Variants in MTX2 observed in about 807,000 individuals in gnomAD.
MTX2 encodes the protein metaxin 2.
MTX2 carries 35 observed loss-of-function variants against 42.3 expected under a neutral mutation model. The ratio of observed to expected loss-of-function variants is 0.83; its 90% confidence interval spans 0.63 to 1.10. The LOEUF is 1.10. Among genes scored for constraint, MTX2 ranks in the 50% least tolerant of loss-of-function variants. MTX2 has a pLI of 0.00. For synonymous variants in MTX2, 119 were observed against 100.9 expected (o/e 1.18, Z -1.08); for missense variants, 307 against 304.1 (o/e 1.01, Z -0.07).
intron 9 of MTX2, 146 bp downstream of exon 9, chr2:176,330,806 C>A: frequency 1.7e-6 from 1 of 595,910 alleles, no homozygotes; most frequent in Admixed American, 2.8e-5. Context: ...ACTTTACTCT[C>A]AGGCACAGTG....
intron 1 of MTX2, among the ~76,000 whole-genome samples, chr2:176,288,526 A>G (rs1187778058): frequency 6.6e-6 from 1 of 151,540 alleles, no homozygotes; most frequent in Non-Finnish European, 1.5e-5. Context: ...TAGGCTACCC[A>G]TGTTTCTTGC....
At position 176,269,567 on chromosome 2, in the gene MTX2, T is replaced by G; in HGVS notation, c.-63T>G. The G allele has an allele frequency of 6.6e-7, 1 of 1,520,048 alleles. No homozygotes were observed. The highest frequency in any genetic ancestry group is 8.8e-7 in the Non-Finnish European group (1 of 1,133,750). 94.2% of individuals were successfully genotyped at this position (1,520,048 alleles called of 1,614,324 possible). ...GTTAACTGCCGAGAGCCTCCGGGTT[T>G]GCGGTGGAGGACGCTGAGGCCCGTG... is the stretch of plus-strand genomic sequence containing the variant. On this transcript the variant is annotated 5_prime_UTR_variant, in exon 1 of 10. Transcript: ENST00000249442.
chr2:176,328,495 A>C, intron 6 of MTX2, 110 bp downstream of exon 6: 1 of 693,690 alleles, frequency 1.4e-6, no homozygotes, highest in Non-Finnish European at 2.2e-6. Flanking sequence ...TAGTCAAGTA[A>C]TTCTAGAGTT....
intron 1 of MTX2, among the ~76,000 whole-genome samples, chr2:176,293,444 C>A (rs975052665): frequency 6.6e-6 from 1 of 152,106 alleles, no homozygotes; most frequent in Non-Finnish European, 1.5e-5. Flanking sequence ...ATGTAATCCC[C>A]GTTGTTGGAG....
intron 1 of MTX2, among the ~76,000 whole-genome samples, chr2:176,285,904 A>C (rs1271216727): frequency 6.6e-6 from 1 of 152,112 alleles, no homozygotes; most frequent in South Asian, 2.1e-4. Flanking sequence ...AATACATAGG[A>C]GTGTAATTGA....
At chr2:176,270,407 C>A (rs375394807) in intron 1 of MTX2, 47 of 1,363,202 alleles carry the variant, frequency 3.4e-5, no homozygotes, top group Non-Finnish European at 4.5e-5. Flanking sequence ...CTGAACATGA[C>A]TGATGTATAT....
intron 1 of MTX2, among the ~76,000 whole-genome samples, chr2:176,273,675 T>C (rs917232236): frequency 5.9e-5 from 9 of 152,206 alleles, no homozygotes; most frequent in Non-Finnish European, 1.3e-4. Flanking sequence ...TGCTTCTATC[T>C]CCTTACTACC....
chr2:176,269,714 G>A (rs553743691), intron 1 of MTX2, 45 bp downstream of exon 1: 2 of 1,566,174 alleles, frequency 1.3e-6, no homozygotes, highest in South Asian at 1.2e-5. Context: ...GCGCGGTCTC[G>A]GGGAGCCGCG....
intron 1 of MTX2, among the ~76,000 whole-genome samples, chr2:176,282,368 A>G (rs1184013278): frequency 2.0e-5 from 3 of 152,094 alleles, no homozygotes; most frequent in African/African-American, 2.4e-5. Flanking sequence ...ATCTGCACAG[A>G]GGCATCTAGT....
intron 1 of MTX2, among the ~76,000 whole-genome samples, chr2:176,270,738 A>AT (rs1458703637): frequency 6.6e-6 from 1 of 152,010 alleles, no homozygotes; most frequent in African/African-American, 2.4e-5. Flanking sequence ...TAAAAACATT[A>AT]TTTTTTAGAG....
At chr2:176,296,535 T>C (rs1318399360) in intron 1 of MTX2, among the ~76,000 whole-genome samples, 1 of 152,168 alleles carries the variant, frequency 6.6e-6, no homozygotes, top group Non-Finnish European at 1.5e-5. Flanking sequence ...GATATGTCTG[T>C]GTTTGAAAGA....
intron 1 of MTX2, among the ~76,000 whole-genome samples, chr2:176,293,418 C>A (rs1248135866): frequency 6.6e-6 from 1 of 152,138 alleles, no homozygotes; most frequent in Non-Finnish European, 1.5e-5. Context: ...TTGTTCCCTG[C>A]AAATCTCCTG....
intron 1 of MTX2, among the ~76,000 whole-genome samples, chr2:176,271,793 A>G (rs1020750761): frequency 2.0e-5 from 3 of 152,214 alleles, no homozygotes; most frequent in Non-Finnish European, 2.9e-5. Flanking sequence ...GTACTTAAAG[A>G]AATACACAAT....
intron 3 of MTX2, among the ~76,000 whole-genome samples, chr2:176,302,029 A>G (rs544872411): frequency 1.3e-5 from 2 of 152,250 alleles, no homozygotes; most frequent in South Asian, 4.1e-4. Context: ...TAAGTTTTAG[A>G]AGTCCAATGT....
At chr2:176,322,204 TG>T (rs1268898350) in intron 3 of MTX2, among the ~76,000 whole-genome samples, 1 of 152,112 alleles carries the variant, frequency 6.6e-6, no homozygotes, top group African/African-American at 2.4e-5. Context: ...TTTGGGTAAA[TG>T]GAGTTCTTTG....
intron 6 of MTX2, 150 bp from the exon 7 acceptor site, chr2:176,328,724 A>C (rs951806563): frequency 3.2e-6 from 2 of 634,670 alleles, no homozygotes; most frequent in Admixed American, 2.9e-5. Context: ...CCATCATTAC[A>C]TTTTTGTGGA....
intron 3 of MTX2, among the ~76,000 whole-genome samples, chr2:176,318,630 A>G (rs1157761725): frequency 6.6e-6 from 1 of 152,176 alleles, no homozygotes; most frequent in Non-Finnish European, 1.5e-5. Flanking sequence ...TTAATGTGTC[A>G]CCATCATCAA....
At chr2:176,292,966 A>G (rs1693361265) in intron 1 of MTX2, among the ~76,000 whole-genome samples, 1 of 152,166 alleles carries the variant, frequency 6.6e-6, no homozygotes, top group Non-Finnish European at 1.5e-5. Flanking sequence ...GCCCTTACGT[A>G]TATGTGTAAT....
At position 176,326,971 on chromosome 2, in the gene MTX2, A is replaced by G; in HGVS notation, c.285+70A>G. 5.9e-6 allele frequency: 5 copies of G among 845,422 alleles called. No individual in the cohort carries two copies. In the South Asian group the frequency reaches 1.1e-4, roughly 18 times the overall value. 52.4% of individuals were successfully genotyped at this position (845,422 alleles called of 1,614,324 possible). On this transcript the variant is annotated intron_variant, in intron 5 of 9. Transcript: ENST00000249442. ...TCATCATTCTTTAATGTGTCTTAAC[A>G]TTTACATTGATTTCAACCTAGTTTT... is the stretch of plus-strand genomic sequence containing the variant.
Sources: allele counts gnomAD v4.1 joint callset (sites outside exome capture counted in the v4.1 genomes callset), GRCh38; gene constraint gnomAD v4.1.1; transcripts MANE v1.5; gene names NCBI Gene and HGNC (gene_info 2026-07-23, HGNC 2026-07-21).